Variants in CADPS2 observed in about 807,000 individuals in gnomAD.
The protein encoded by CADPS2 is calcium-dependent secretion activator 2.
CADPS2 carries 93 observed loss-of-function variants against 172.5 expected under a neutral mutation model. The observed-to-expected ratio is 0.54, with a 90% CI of 0.46 to 0.64. The LOEUF is 0.64. Ranked by LOEUF, CADPS2 falls within the 30% of genes least tolerant of loss-of-function variation. CADPS2 has a pLI of 0.00. For missense variants in CADPS2, 1,420 were observed against 1,565.9 expected (o/e 0.91, Z 1.57); for synonymous variants, 546 against 555.2 (o/e 0.98, Z 0.23).
At position 122,620,383 on chromosome 7, in the gene CADPS2, G is replaced by C. The variant is rs529967873; in HGVS notation, c.1104+1098C>G. On this transcript the variant is annotated intron_variant, in intron 5 of 29. Transcript: ENST00000449022. ...GTTATAATCTTTTATCTTAATGCCTGACATAAGTTCTTTCTCCTAGGAACT... is the reference window on the plus strand; with the variant it reads ...GTTATAATCTTTTATCTTAATGCCTCACATAAGTTCTTTCTCCTAGGAACT... 9.7e-4 allele frequency among the ~76,000 whole-genome samples: 148 copies of C among 152,256 alleles called. 1 individual carries two copies. The highest frequency in any genetic ancestry group is 7.9e-3 in the South Asian group (38 of 4,816).
chr7:122,786,008 C>A (rs1037427784), intron 1 of CADPS2, among the ~76,000 whole-genome samples: 2 of 152,176 alleles, frequency 1.3e-5, no homozygotes, highest in African/African-American at 4.8e-5. Context: ...GTAGTCATGT[C>A]TATTTCATTA....
chr7:122,380,307 GA>G (rs2151360560), intron 24 of CADPS2, among the ~76,000 whole-genome samples: 1 of 152,192 alleles, frequency 6.6e-6, no homozygotes, highest in Non-Finnish European at 1.5e-5. Context: ...CCACTTCACA[GA>G]AAATGTGACT....
At chr7:122,760,665 A>C in intron 1 of CADPS2, among the ~76,000 whole-genome samples, 2 of 151,880 alleles carry the variant, frequency 1.3e-5, no homozygotes, top group East Asian at 1.9e-4. Flanking sequence ...CTTTGTAGGG[A>C]CATGGATGAA....
chr7:122,415,690 G>C (rs2047819194), intron 18 of CADPS2, among the ~76,000 whole-genome samples: 1 of 151,142 alleles, frequency 6.6e-6, no homozygotes, highest in African/African-American at 2.4e-5. Context: ...AGCTCTGAAA[G>C]TTGCCTTAGG....
intron 1 of CADPS2, among the ~76,000 whole-genome samples, chr7:122,813,670 GC>G (rs1300108027): frequency 6.6e-6 from 1 of 152,042 alleles, no homozygotes; most frequent in Non-Finnish European, 1.5e-5. Flanking sequence ...CAATTTCATT[GC>G]ATAAAAACCG....
chr7:122,345,529 A>T (rs1487517274), intron 28 of CADPS2, 45 bp downstream of exon 28: 1 of 1,134,238 alleles, frequency 8.8e-7, no homozygotes, highest in Non-Finnish European at 1.3e-6. Context: ...TTCTCTTTGC[A>T]GTTTATCTAT....
chr7:122,518,018 T>A (rs988814801), intron 8 of CADPS2, among the ~76,000 whole-genome samples: 4 of 152,002 alleles, frequency 2.6e-5, no homozygotes, highest in African/African-American at 9.7e-5. Context: ...TTATGGTATC[T>A]AAGGCCAAAA....
intron 23 of CADPS2, 21 bp from the exon 24 acceptor site, chr7:122,387,194 T>C: frequency 6.4e-7 from 1 of 1,563,218 alleles, no homozygotes; most frequent in Admixed American, 1.9e-5. Context: ...AAACATGAAT[T>C]CAGAGTAAGA....
chr7:122,812,588 A>G (rs1473387419), intron 1 of CADPS2, among the ~76,000 whole-genome samples: 3 of 152,112 alleles, frequency 2.0e-5, no homozygotes, highest in Non-Finnish European at 4.4e-5. Context: ...TAGGTACTGG[A>G]ATTCATTTTT....
At chr7:122,714,713 C>T (rs987560468) in intron 2 of CADPS2, among the ~76,000 whole-genome samples, 5 of 152,076 alleles carry the variant, frequency 3.3e-5, no homozygotes, top group Admixed American at 6.6e-5. Context: ...CAAGGTGTTT[C>T]GTATAGTGTT....
At chr7:122,644,183 C>T (rs2078037768) in intron 3 of CADPS2, among the ~76,000 whole-genome samples, 1 of 152,208 alleles carries the variant, frequency 6.6e-6, no homozygotes, top group Non-Finnish European at 1.5e-5. Flanking sequence ...TCAAACACTT[C>T]AAACACTTTA....
At chr7:122,386,958 G>T in intron 24 of CADPS2, 68 bp downstream of exon 24, 2 of 1,482,132 alleles carry the variant, frequency 1.3e-6, no homozygotes, top group South Asian at 1.3e-5. Flanking sequence ...AGAATGCCTT[G>T]TGGAAAGGGC....
intron 9 of CADPS2, among the ~76,000 whole-genome samples, chr7:122,496,872 T>C (rs1053480416): frequency 5.9e-5 from 9 of 152,206 alleles, no homozygotes; most frequent in African/African-American, 1.7e-4. Flanking sequence ...ATTCTATATC[T>C]GATATTCTTT....
At chr7:122,805,118 C>A (rs1798507428) in intron 1 of CADPS2, among the ~76,000 whole-genome samples, 1 of 152,158 alleles carries the variant, frequency 6.6e-6, no homozygotes, top group South Asian at 2.1e-4. Flanking sequence ...TAACCCCCAG[C>A]AAGGTACCCT....
At chr7:122,407,737 T>G in intron 19 of CADPS2, 41 bp from the exon 20 acceptor site, 4 of 1,546,808 alleles carry the variant, frequency 2.6e-6, no homozygotes, top group Non-Finnish European at 3.5e-6. Flanking sequence ...AGTAGATTAC[T>G]TTTTAGAAAC....
intron 1 of CADPS2, among the ~76,000 whole-genome samples, chr7:122,860,343 C>T (rs565881343): frequency 1.8e-3 from 272 of 152,198 alleles, no homozygotes; most frequent in Middle Eastern, 0.017. Flanking sequence ...TCACCTACCT[C>T]GGTTTTCCAA....
At chr7:122,800,303 A>C (rs961700192) in intron 1 of CADPS2, among the ~76,000 whole-genome samples, 1 of 152,228 alleles carries the variant, frequency 6.6e-6, no homozygotes, top group African/African-American at 2.4e-5. Context: ...GATTTCTCAA[A>C]ATAAAAAGCA....
chr7:122,353,397 T>C (rs2038945864), intron 27 of CADPS2, among the ~76,000 whole-genome samples: 1 of 152,076 alleles, frequency 6.6e-6, no homozygotes, highest in Non-Finnish European at 1.5e-5. Context: ...TCCTTTATCT[T>C]AGGACAAACC....
In CADPS2 at chr7:122,871,929, C is replaced by T. The variant is rs537007232; in HGVS notation, c.339+14070G>A. On this transcript the variant is annotated intron_variant, in intron 1 of 29. Coordinates refer to ENST00000449022, the MANE Select transcript of CADPS2 (RefSeq NM_017954.11). Reference sequence around the variant, plus strand: ...TAAGACCAGTCCTTAAAATCTTCTCCTTGCTAGACTCTCTTTTCTTGGGCT... The same window carrying T: ...TAAGACCAGTCCTTAAAATCTTCTCTTTGCTAGACTCTCTTTTCTTGGGCT... Among the ~76,000 whole-genome samples the T allele has an allele frequency of 1.9e-4, 29 of 152,110 alleles. 1 individual carries two copies. In the South Asian group the frequency reaches 5.2e-3, roughly 27 times the overall value.
Sources: allele counts gnomAD v4.1 joint callset (sites outside exome capture counted in the v4.1 genomes callset), GRCh38; gene constraint gnomAD v4.1.1; transcripts MANE v1.5; gene names NCBI Gene and HGNC (gene_info 2026-07-23, HGNC 2026-07-21).